MCCC2: variants seen among roughly 807,000 people sequenced by gnomAD.
MCCC2 encodes methylcrotonyl-CoA carboxylase subunit 2.
Under a neutral mutation model 77.2 loss-of-function variants are expected in MCCC2, and 52 were observed. The observed-to-expected ratio is 0.67, with a 90% CI of 0.54 to 0.85. The LOEUF is 0.85. MCCC2 is among the 40% of genes least tolerant of loss of function. MCCC2 has a pLI of 0.00. For synonymous variants in MCCC2, 253 were observed against 248.4 expected, an observed-to-expected ratio of 1.02 and a Z score of -0.18; for missense variants, 682 against 703.2, an observed-to-expected ratio of 0.97 and a Z score of 0.34.
At chr5:71,625,146 T>TTC (rs1160453456) in intron 6 of MCCC2, among the ~76,000 whole-genome samples, 1 of 152,226 alleles carries the variant, frequency 6.6e-6, no homozygotes, top group African/African-American at 2.4e-5. Context: ...GCCTGCTTAG[T>TTC]TCTTTAGGTA....
At chr5:71,597,077 C>T (rs1346935653) in intron 3 of MCCC2, among the ~76,000 whole-genome samples, 1 of 151,918 alleles carries the variant, frequency 6.6e-6, no homozygotes, top group Admixed American at 6.6e-5. Flanking sequence ...CAAGGTAGGC[C>T]GCATTGAGAA....
chr5:71,640,382 A>ATTTTTTTTTTTTTTTTTTTTTT (rs60843078), intron 10 of MCCC2, among the ~76,000 whole-genome samples: 1 of 109,154 alleles, frequency 9.2e-6, no homozygotes, highest in Non-Finnish European at 1.9e-5. Context: ...CACTTTTTAC[A>ATTTTTTTTTTTTTTTTTTTTTT]TTTTTTTTTT....
intron 6 of MCCC2, among the ~76,000 whole-genome samples, chr5:71,617,819 T>C (rs1746216800): frequency 6.6e-6 from 1 of 152,216 alleles, no homozygotes. Flanking sequence ...TCAAAGAGTA[T>C]GTCTATTGGC....
Position 71,626,748 on chromosome 5 carries a change from C to G in MCCC2, c.733C>G (p.Pro245Ala). The G allele has an allele frequency of 6.2e-7, 1 of 1,613,712 alleles. No individual in the cohort carries two copies. The highest frequency in any genetic ancestry group is 8.5e-7 in the Non-Finnish European group (1 of 1,179,800). ...GGGTACCATTTTCTTGGCAGGACCC[C>G]CCTTGGTAAGAACATAAGAACGTTG... is the stretch of plus-strand genomic sequence containing the variant. The part of the protein sequence containing the change: ...KQGTIFLAGP[P>A]LVKAATGEEV... Residue 245 changes from proline (P) to alanine (A), a missense_variant, in exon 7 of 17, where the codon CCC (proline) becomes GCC (alanine). Coordinates refer to ENST00000340941, the MANE Select transcript of MCCC2 (RefSeq NM_022132.5).
At chr5:71,595,332 G>A (rs1052933314) in intron 2 of MCCC2, among the ~76,000 whole-genome samples, 3 of 151,578 alleles carry the variant, frequency 2.0e-5, no homozygotes, top group African/African-American at 7.3e-5. Flanking sequence ...GGAAGCCTGA[G>A]GTGAGAGGAT....
rs1554138717 is a variant in MCCC2 at position 71,652,760 on chromosome 5, G to C, written c.1574+6G>C. On this transcript the variant is annotated splice_donor_region_variant and intron_variant, in intron 16 of 16. Coordinates refer to ENST00000340941, the MANE Select transcript of MCCC2 (RefSeq NM_022132.5). ...CCTTACTATTCCAGCGCAAGGTGGG[G>C]GCCAGAACATCACTAACTCTCTGAT... The C allele has an allele frequency of 6.2e-7, 1 of 1,612,946 alleles. No individual in the cohort carries two copies.
Position 71,602,540 on chromosome 5 carries a change from GTCAAA to G in MCCC2, c.419_423del (p.Val140GlyfsTer31), listed in dbSNP as rs1745479698. On this transcript the variant is annotated frameshift_variant, in exon 5 of 17. Coordinates refer to ENST00000340941, the MANE Select transcript of MCCC2 (RefSeq NM_022132.5). LOFTEE classifies it high-confidence loss of function. ...CATGATTATTGCCAATGATGCCACCGTCAAAGGAGGTGCCTACTACCCAGTGACTG... is the reference window on the plus strand; with the variant it reads ...CATGATTATTGCCAATGATGCCACCGGGAGGTGCCTACTACCCAGTGACTG... The G allele has an allele frequency of 1.9e-6, 3 of 1,613,954 alleles. No individual in the cohort carries two copies. The highest frequency in any genetic ancestry group is 2.5e-6 in the Non-Finnish European group (3 of 1,180,022).
Position 71,657,244 on chromosome 5 carries a change from TA to T in MCCC2, c.*385del. 1 of 237,080 alleles carries T rather than the reference TA, an allele frequency of 4.2e-6. No homozygotes were observed. Among genetic ancestry groups the T allele is most frequent in the South Asian group, 5.4e-5 (1 of 18,558 alleles). 14.7% of individuals were successfully genotyped at this position (237,080 alleles called of 1,614,324 possible). A position where few individuals can be genotyped will look rare whatever the true frequency, so the allele number is the denominator to read the frequency against. Reference sequence around the variant, plus strand: ...TTGTTTTGCTGGTTATGCTTGGTGATATTTTAGCGGGCTTATTTTTGAAAGG... The same window carrying T: ...TTGTTTTGCTGGTTATGCTTGGTGATTTTTAGCGGGCTTATTTTTGAAAGG... On this transcript the variant is annotated 3_prime_UTR_variant, in exon 17 of 17. Transcript: ENST00000340941.
rs35292468 is a variant in MCCC2 at position 71,614,029 on chromosome 5, T to TACACACACACACACACACAC, written c.624+9563_624+9582dup. Among the ~76,000 whole-genome samples the TACACACACACACACACACAC allele has an allele frequency of 8.1e-5, 12 of 148,396 alleles. No individual in the cohort carries two copies. The South Asian group carries it at 1.9e-3, about 24-fold the overall frequency. On this transcript the variant is annotated intron_variant, in intron 6 of 16. Transcript: ENST00000340941. ...TTCATATTATGTATAACGTATATAA[T>TACACACACACACACACACAC]ACACACACACACACACACACATATA...
intron 14 of MCCC2, among the ~76,000 whole-genome samples, chr5:71,649,843 C>T (rs542256444): frequency 6.6e-6 from 1 of 152,288 alleles, no homozygotes; most frequent in South Asian, 2.1e-4. Flanking sequence ...CGCTTTTATA[C>T]CCAGAATTAC....
At chr5:71,599,184 C>A (rs1416275127) in intron 3 of MCCC2, among the ~76,000 whole-genome samples, 1 of 152,058 alleles carries the variant, frequency 6.6e-6, no homozygotes, top group South Asian at 2.1e-4. Context: ...GCCTGGCCAA[C>A]ATGGTGAAAC....
chr5:71,635,231 C>G lies in MCCC2; in HGVS notation c.984C>G (p.Ser328Arg). 1.2e-6 allele frequency: 2 copies of G among 1,614,066 alleles called. No homozygotes were observed. Among genetic ancestry groups the G allele is most frequent in the Non-Finnish European group, 1.7e-6 (2 of 1,179,966 alleles). The change falls in exon 10 of 17, where the codon AGC becomes AGG. Residue 328 changes from serine (S) to arginine (R), a missense_variant. Transcript: ENST00000340941. ...TAGTTGGTGCTAACCTTAAGAGGAG[C>G]TTTGATGTCCGAGAGGTATGTGAAA... Reference protein sequence around the residue: ...YGIVGANLKRSFDVREVIARI... With the variant: ...YGIVGANLKRRFDVREVIARI...
chr5:71,595,428 C>CAAA (rs56048450), intron 2 of MCCC2, among the ~76,000 whole-genome samples: 33,777 of 114,616 alleles, frequency 0.29, 5,908 homozygotes, highest in East Asian at 0.48. Flanking sequence ...GATCTTGTCT[C>CAAA]AAAAAAAAAA....
chr5:71,633,622 T>C (rs905778860), intron 8 of MCCC2, among the ~76,000 whole-genome samples: 1 of 152,156 alleles, frequency 6.6e-6, no homozygotes, highest in African/African-American at 2.4e-5. Flanking sequence ...AATGCATCTT[T>C]ATACCTCTCT....
rs368051674 is a variant in MCCC2 at position 71,646,338 on chromosome 5, C to T, written c.1216+61C>T. ...TTCCAGAGCTGTACCATCAGTGTGG[C>T]TCATGTATTGGACAGCACACATGTA... On this transcript the variant is annotated intron_variant, in intron 13 of 16. Transcript: ENST00000340941. 238 of 1,486,958 alleles carry T rather than the reference C, an allele frequency of 1.6e-4. 1 individual carries two copies. The highest frequency in any genetic ancestry group is 1.4e-3 in the African/African-American group (104 of 72,404). The allele number at this position is 1,486,958 out of a possible 1,614,324, so 92.1% of individuals were successfully genotyped here.
intron 14 of MCCC2, 151 bp downstream of exon 14, chr5:71,649,404 G>T: frequency 1.3e-6 from 1 of 763,342 alleles, no homozygotes; most frequent in South Asian, 1.8e-5. Context: ...GGGGTGAAAT[G>T]AAATTTAATG....
chr5:71,592,886 C>G, intron 1 of MCCC2, 40 bp from the exon 2 acceptor site: 9 of 1,169,888 alleles, frequency 7.7e-6, no homozygotes, highest in Non-Finnish European at 1.1e-5. Flanking sequence ...GAATTGCTTT[C>G]TAATATTTCT....
At chr5:71,632,062 G>A in intron 7 of MCCC2, 59 bp from the exon 8 acceptor site, 1 of 1,463,356 alleles carries the variant, frequency 6.8e-7, no homozygotes, top group Non-Finnish European at 9.6e-7. Flanking sequence ...GCATGTTGGG[G>A]AAGCATTTTT....
At chr5:71,629,028 A>G (rs1241709621) in intron 7 of MCCC2, among the ~76,000 whole-genome samples, 1 of 152,068 alleles carries the variant, frequency 6.6e-6, no homozygotes, top group African/African-American at 2.4e-5. Context: ...CAACATAGTG[A>G]AACCCCATGT....
Sources: allele counts gnomAD v4.1 joint callset (sites outside exome capture counted in the v4.1 genomes callset), GRCh38; gene constraint gnomAD v4.1.1; transcripts MANE v1.5; gene names NCBI Gene and HGNC (gene_info 2026-07-23, HGNC 2026-07-21).